Variants in DUSP9 observed in about 807,000 individuals in gnomAD.
DUSP9 encodes the protein dual specificity protein phosphatase 9.
A neutral mutation model predicts 13.2 loss-of-function variants in DUSP9; 4 were observed. The ratio of observed to expected loss-of-function variants is 0.30; its 90% CI spans 0.15 to 0.69. The LOEUF (loss-of-function observed/expected upper bound fraction) is 0.69, where lower values mean the gene tolerates loss of function less well. DUSP9 is among the 30% of genes least tolerant of loss of function. The pLI is 0.73. For synonymous variants in DUSP9, 166 were observed against 172.3 expected, an observed-to-expected ratio of 0.96 and a Z score of 0.29; for missense variants, 263 against 355.0, an observed-to-expected ratio of 0.74 and a Z score of 2.08.
chrX:153,650,678 T>G lies in DUSP9; in HGVS notation c.*373T>G. ...GTTGCACTGGATCCCAGTGGCTGCT[T>G]GGGGGAGAGGCGTTTGCCATCACTG... On this transcript the variant is annotated 3_prime_UTR_variant, in exon 4 of 4. Coordinates refer to ENST00000342782, the MANE Select transcript of DUSP9 (RefSeq NM_001318503.2). 1 of 72,926 alleles carries G rather than the reference T, an allele frequency of 1.4e-5. No homozygotes were observed. Among genetic ancestry groups the G allele is most frequent in the East Asian group, 1.4e-4 (1 of 6,958 alleles). The allele number at this position is 72,926 out of a possible 1,213,427, so 6.0% of individuals were successfully genotyped here.
At chrX:153,649,210 C>T (rs1603187891) in intron 2 of DUSP9, 22 bp from the exon 3 acceptor site, 1 of 1,203,666 alleles carries the variant, frequency 8.3e-7, no homozygotes, top group Non-Finnish European at 1.1e-6. Context: ...GGTCAGCAGG[C>T]CCCATGCCCT....
Position 153,648,126 on chromosome X carries a change from G to A in DUSP9, c.173G>A (p.Ser58Asn), listed in dbSNP as rs2091196208. The stretch of plus-strand genomic sequence containing the variant: ...CTGCTGCGCCGCCTGCGGAGGGGCA[G>A]CCTGTCGGTGCGCGCGCTCCTGCCT... ...ALLLRRLRRG[S>N]LSVRALLPGP... Residue 58 changes from serine to asparagine, a missense_variant, in exon 2 of 4, where the codon AGC becomes AAC. Coordinates refer to ENST00000342782, the MANE Select transcript of DUSP9 (RefSeq NM_001318503.2). 1.0e-6 allele frequency: 1 copy of A among 993,009 alleles called. No homozygotes were observed. The highest frequency in any genetic ancestry group is 1.3e-6 in the Non-Finnish European group (1 of 792,196). The allele number at this position is 993,009 out of a possible 1,213,427, so 81.8% of individuals were successfully genotyped here. A position where few individuals can be genotyped will look rare whatever the true frequency, so the allele number is the denominator to read the frequency against.
At chrX:153,648,465 T>G in intron 2 of DUSP9, 139 bp downstream of exon 2, 1 of 748,078 alleles carries the variant, frequency 1.3e-6, no homozygotes, top group South Asian at 4.2e-5. Flanking sequence ...GAGGGAAGCC[T>G]GAGTGTGACC....
At chrX:153,647,064 C>G (rs1049433064), upstream of DUSP9, 1 of 113,046 alleles carries the variant, frequency 8.8e-6, no homozygotes, top group Non-Finnish European at 1.9e-5. Flanking sequence ...CGGTGGAAGC[C>G]CCAGCTCAGC....
In DUSP9 at chrX:153,650,240, T is replaced by C. The variant is rs1174342625; in HGVS notation, c.1090T>C (p.Ser364Pro). The C allele has an allele frequency of 8.3e-7, 1 of 1,208,961 alleles. No homozygotes were observed. Among genetic ancestry groups the C allele is most frequent in the Non-Finnish European group, 1.1e-6 (1 of 894,512 alleles). The change falls in exon 4 of 4, where the codon TCC (serine) becomes CCC (proline). Residue 364 changes from serine (S) to proline (P), a missense_variant. Ser to Pro is a moderately conservative substitution (Grantham distance 74). Coordinates refer to ENST00000342782, the MANE Select transcript of DUSP9 (RefSeq NM_001318503.2). ...QGSGGQASAASNPPSFFTTPT... is the reference protein window; with the variant it reads ...QGSGGQASAAPNPPSFFTTPT... Reference sequence around the variant, plus strand: ...CAGTGGGGGGCAGGCATCTGCGGCCTCCAACCCGCCCTCCTTCTTCACCAC... The same window carrying C: ...CAGTGGGGGGCAGGCATCTGCGGCCCCCAACCCGCCCTCCTTCTTCACCAC...
chrX:153,650,543 C>T lies in DUSP9; in HGVS notation c.*238C>T. On this transcript the variant is annotated 3_prime_UTR_variant, in exon 4 of 4. Coordinates refer to ENST00000342782, the MANE Select transcript of DUSP9 (RefSeq NM_001318503.2). ...TTTGCGGGATGGGGGTGGGGGTTCC[C>T]TCTCCAGGTGGTTGTCCAGGCCCAG... is the stretch of plus-strand genomic sequence containing the variant. The T allele has an allele frequency of 2.5e-6, 1 of 393,869 alleles. No homozygotes were observed. Among genetic ancestry groups the T allele is most frequent in the Admixed American group, 4.6e-5 (1 of 21,656 alleles). 32.5% of individuals were successfully genotyped at this position (393,869 alleles called of 1,213,427 possible).
At chrX:153,642,499 C>T (rs1557034938), upstream of DUSP9, 1 of 113,168 alleles carries the variant, frequency 8.8e-6, no homozygotes, top group African/African-American at 3.2e-5. Flanking sequence ...GAGGCCGCCA[C>T]CCGGGGTTCC....
intron 3 of DUSP9, 89 bp from the exon 4 acceptor site, chrX:153,649,891 G>C: frequency 9.3e-7 from 1 of 1,075,174 alleles, no homozygotes; most frequent in South Asian, 2.1e-5. Context: ...CCAGGGGGCA[G>C]GGCGGGGCCT....
chrX:153,645,064 G>A (rs1221557434), upstream of DUSP9, among the ~76,000 whole-genome samples: 1 of 113,042 alleles, frequency 8.8e-6, no homozygotes, highest in Non-Finnish European at 1.9e-5. Flanking sequence ...CAGTGGGCCT[G>A]GAGGCAGCCC....
At chrX:153,647,794 C>A (rs1557035696) in intron 1 of DUSP9, 125 bp from the exon 2 acceptor site, 3 of 511,965 alleles carry the variant, frequency 5.9e-6, no homozygotes. Flanking sequence ...TTTCTTGGGG[C>A]GCCTTGTTGG....
At chrX:153,647,690 C>A (rs1278445787) in intron 1 of DUSP9, 5 of 253,293 alleles carry the variant, frequency 2.0e-5, no homozygotes, top group African/African-American at 1.4e-4. Context: ...CGGCTGCGAC[C>A]TCAGGGTACC....
chrX:153,642,640 C>T (rs1485483995), upstream of DUSP9: 13 of 101,829 alleles, frequency 1.3e-4, no homozygotes, highest in African/African-American at 4.3e-4. Context: ...GCCCCGGGGA[C>T]CCCCACCCCC....
intron 2 of DUSP9, 85 bp from the exon 3 acceptor site, chrX:153,649,147 C>G (rs906698500): frequency 6.3e-6 from 6 of 947,525 alleles, no homozygotes; most frequent in Admixed American, 4.7e-5. Context: ...TCCAAGTTGT[C>G]CAGGGTCATC....
chrX:153,649,010 C>T (rs1431300520), intron 2 of DUSP9, among the ~76,000 whole-genome samples: 3 of 112,532 alleles, frequency 2.7e-5, no homozygotes, highest in Admixed American at 1.9e-4. Context: ...AGATCCTTTC[C>T]GGTGGCTCAG....
At chrX:153,648,353 G>T in intron 2 of DUSP9, 27 bp downstream of exon 2, 1 of 1,090,186 alleles carries the variant, frequency 9.2e-7, no homozygotes, top group South Asian at 2.2e-5. Flanking sequence ...CCTCCTTCCA[G>T]GGGGTTCGGG....
upstream of DUSP9, among the ~76,000 whole-genome samples, chrX:153,644,110 C>T (rs2091178757): frequency 9.0e-6 from 1 of 111,690 alleles, no homozygotes; most frequent in Non-Finnish European, 1.9e-5. Flanking sequence ...GAAATCCTGT[C>T]ACTCGGCCCG....
At position 153,650,218 on chromosome X, in the gene DUSP9, T is replaced by G. The variant is rs782483315; in HGVS notation, c.1068T>G (p.Ser356Arg). The stretch of plus-strand genomic sequence containing the variant: ...AGCGCCACTCGCAGGAGCAGGGCAG[T>G]GGGGGGCAGGCATCTGCGGCCTCCA... ...LEERHSQEQG[S>R]GGQASAASNP... Residue 356 changes from serine to arginine, a missense_variant, in exon 4 of 4, where the codon AGT becomes AGG. Ser to Arg is a moderately radical substitution (Grantham distance 110). Coordinates refer to ENST00000342782, the MANE Select transcript of DUSP9 (RefSeq NM_001318503.2). The G allele has an allele frequency of 8.3e-7, 1 of 1,211,320 alleles. No individual in the cohort carries two copies. Among genetic ancestry groups the G allele is most frequent in the South Asian group, 1.8e-5 (1 of 57,001 alleles).
At chrX:153,648,384 G>A in intron 2 of DUSP9, 58 bp downstream of exon 2, 1 of 1,035,596 alleles carries the variant, frequency 9.7e-7, no homozygotes, top group Non-Finnish European at 1.2e-6. Flanking sequence ...CCTTAGGCCA[G>A]CCCCACTTCT....
chrX:153,647,896 C>G, intron 1 of DUSP9, 23 bp from the exon 2 acceptor site: 1 of 974,456 alleles, frequency 1.0e-6, no homozygotes, highest in East Asian at 4.2e-5. Context: ...GTAGCTCACA[C>G]CGCGCCTTCT....
Sources: allele counts gnomAD v4.1 joint callset (sites outside exome capture counted in the v4.1 genomes callset), GRCh38; gene constraint gnomAD v4.1.1; transcripts MANE v1.5; gene names NCBI Gene and HGNC (gene_info 2026-07-23, HGNC 2026-07-21).